The following SNTG1 variants were observed in gnomAD, a reference collection of about 807,000 sequenced individuals.
SNTG1 encodes syntrophin gamma 1, also known as gamma-1-syntrophin.
A neutral mutation model predicts 74.7 loss-of-function variants in SNTG1; 39 were observed. That is an observed-to-expected ratio of 0.52 (90% CI 0.40 to 0.68). The LOEUF (loss-of-function observed/expected upper bound fraction) is 0.68. Among genes scored for constraint, SNTG1 ranks in the 30% least tolerant of loss-of-function variants. SNTG1 has a pLI of 0.00. For missense variants in SNTG1, 685 were observed against 609.5 expected, an observed-to-expected ratio of 1.12 and a Z score of -1.30; for synonymous variants, 254 against 217.1, an observed-to-expected ratio of 1.17 and a Z score of -1.49.
intron 2 of SNTG1, among the ~76,000 whole-genome samples, chr8:50,383,351 A>G (rs1384415531): frequency 6.6e-6 from 1 of 152,220 alleles, no homozygotes; most frequent in Non-Finnish European, 1.5e-5. Context: ...GCTGTGATGT[A>G]AAATTAACTA....
At chr8:50,365,081 G>T (rs2092071253) in intron 2 of SNTG1, among the ~76,000 whole-genome samples, 1 of 151,924 alleles carries the variant, frequency 6.6e-6, no homozygotes, top group Non-Finnish European at 1.5e-5. Flanking sequence ...AAATCTACTT[G>T]ATTTCTCAAA....
intron 12 of SNTG1, among the ~76,000 whole-genome samples, chr8:50,559,412 A>G (rs577158223): frequency 6.6e-6 from 1 of 152,288 alleles, no homozygotes; most frequent in East Asian, 1.9e-4. Context: ...GAATAAGTGA[A>G]AAAATAATGC....
intron 2 of SNTG1, among the ~76,000 whole-genome samples, chr8:50,357,314 GA>G (rs1232997650): frequency 6.6e-6 from 1 of 152,186 alleles, no homozygotes; most frequent in African/African-American, 2.4e-5. Context: ...CTGCCATGTA[GA>G]AGTTAATCAA....
intron 12 of SNTG1, among the ~76,000 whole-genome samples, chr8:50,587,993 A>G (rs1024072288): frequency 3.3e-5 from 5 of 150,274 alleles, no homozygotes; most frequent in African/African-American, 1.2e-4. Flanking sequence ...GGTGGTGGGC[A>G]CCTATAGTCC....
chr8:50,783,604 C>T (rs996635311), intron 18 of SNTG1, among the ~76,000 whole-genome samples: 2 of 152,190 alleles, frequency 1.3e-5, no homozygotes, highest in African/African-American at 2.4e-5. Flanking sequence ...ATCTGTCACC[C>T]CTTTCTTTGA....
intron 2 of SNTG1, among the ~76,000 whole-genome samples, chr8:50,383,584 C>G (rs1434684469): frequency 6.6e-6 from 1 of 152,134 alleles, no homozygotes; most frequent in African/African-American, 2.4e-5. Flanking sequence ...CCGCCTTTTT[C>G]CACTACCCAT....
chr8:50,501,281 T>G (rs906288305), intron 8 of SNTG1, among the ~76,000 whole-genome samples: 2 of 152,022 alleles, frequency 1.3e-5, no homozygotes, highest in Non-Finnish European at 2.9e-5. Context: ...CCGGCCTCTG[T>G]GCTGTCCAGT....
intron 2 of SNTG1, among the ~76,000 whole-genome samples, chr8:50,342,308 C>T (rs1034205771): frequency 6.6e-6 from 1 of 152,062 alleles, no homozygotes; most frequent in Non-Finnish European, 1.5e-5. Context: ...CCCTCTTTAG[C>T]TTATAAAATA....
At chr8:50,693,629 T>C (rs2095392079) in intron 15 of SNTG1, among the ~76,000 whole-genome samples, 1 of 152,166 alleles carries the variant, frequency 6.6e-6, no homozygotes, top group Admixed American at 6.5e-5. Context: ...ATAACATTTG[T>C]AGAACCTTCC....
intron 18 of SNTG1, among the ~76,000 whole-genome samples, chr8:50,772,094 C>A (rs577805151): frequency 1.1e-4 from 16 of 152,106 alleles, no homozygotes; most frequent in African/African-American, 3.4e-4. Context: ...AAGTCCTCAC[C>A]AGCACAATGC....
chr8:49,994,696 G>C (rs1814037430), intron 1 of SNTG1, among the ~76,000 whole-genome samples: 1 of 150,426 alleles, frequency 6.6e-6, no homozygotes, highest in Non-Finnish European at 1.5e-5. Flanking sequence ...TTTGACTATA[G>C]CTACTCATTT....
intron 17 of SNTG1, among the ~76,000 whole-genome samples, chr8:50,729,913 T>TA (rs1448948068): frequency 3.3e-5 from 5 of 152,000 alleles, no homozygotes; most frequent in African/African-American, 1.2e-4. Flanking sequence ...TTATGATGGG[T>TA]AAAAAGGCAA....
intron 8 of SNTG1, among the ~76,000 whole-genome samples, chr8:50,484,157 C>CTTCA (rs1563453703): frequency 3.6e-5 from 1 of 27,978 alleles, no homozygotes; most frequent in African/African-American, 7.0e-5. Context: ...TCTTTCCTTC[C>CTTCA]TTCCTTCCTT....
rs113215748 is a variant in SNTG1, at chr8:50,294,084, C to T, written c.-27-100128C>T. 2.5e-3 allele frequency among the ~76,000 whole-genome samples: 373 copies of T among 152,192 alleles called. 3 individuals are homozygous for T. The highest frequency in any genetic ancestry group is 4.4e-3 in the Admixed American group (68 of 15,282). ...GAATCAAGTTGTGCAAATAGGTACA[C>T]ATGTCTACTTTCTCTTCTATCAAAA... On this transcript the variant is annotated intron_variant, in intron 2 of 18. Transcript: ENST00000642720.
intron 2 of SNTG1, among the ~76,000 whole-genome samples, chr8:50,281,727 C>T (rs1471331341): frequency 1.3e-5 from 2 of 152,150 alleles, no homozygotes; most frequent in East Asian, 3.9e-4. Context: ...CATTCACCTC[C>T]ATTTTTACCA....
intron 18 of SNTG1, among the ~76,000 whole-genome samples, chr8:50,783,451 C>A (rs1047602346): frequency 2.0e-5 from 3 of 152,230 alleles, no homozygotes; most frequent in Non-Finnish European, 4.4e-5. Context: ...TGATCTCAGA[C>A]TGCTGTGCTA....
At chr8:50,667,379 G>T (rs1429733775) in intron 15 of SNTG1, among the ~76,000 whole-genome samples, 1 of 152,022 alleles carries the variant, frequency 6.6e-6, no homozygotes, top group Non-Finnish European at 1.5e-5. Context: ...AGTCTGAGTA[G>T]TTAATAAGGA....
rs770077976 is a variant in SNTG1, at chr8:50,708,924, G to T, written c.1230G>T (p.Met410Ile). Residue 410 changes from methionine (M) to isoleucine (I), a missense_variant, in exon 17 of 19, where the codon ATG becomes ATT. Coordinates refer to ENST00000642720, the MANE Select transcript of SNTG1 (RefSeq NM_018967.5). ...CATGTGTGCTAGAAAGTCATCTAATGGGACTCACAATTGATTTCAGCACAG... is the reference window on the plus strand; with the variant it reads ...CATGTGTGCTAGAAAGTCATCTAATTGGACTCACAATTGATTTCAGCACAG... ...TYACVLESHL[M>I]GLTIDFSTGF... The T allele has an allele frequency of 4.3e-6, 7 of 1,613,734 alleles. No homozygotes were observed. The highest frequency in any genetic ancestry group is 5.9e-6 in the Non-Finnish European group (7 of 1,179,830).
At chr8:50,208,607 ATGTTAGC>A (rs2084360086) in intron 2 of SNTG1, among the ~76,000 whole-genome samples, 2 of 152,186 alleles carry the variant, frequency 1.3e-5, no homozygotes, top group Non-Finnish European at 2.9e-5. Flanking sequence ...TGTCATTATG[ATGTTAGC>A]TGGTTATGTT....
Sources: allele counts gnomAD v4.1 joint callset (sites outside exome capture counted in the v4.1 genomes callset), GRCh38; gene constraint gnomAD v4.1.1; transcripts MANE v1.5; gene names NCBI Gene and HGNC (gene_info 2026-07-23, HGNC 2026-07-21).